C4orf51: variants seen among roughly 807,000 people sequenced by gnomAD.
C4orf51 encodes the protein chromosome 4 open reading frame 51.
Under a neutral mutation model 25.2 loss-of-function variants are expected in C4orf51, and 25 were observed. That is an observed-to-expected ratio of 0.99 (90% CI 0.72 to 1.39). C4orf51 has a LOEUF of 1.39. Among genes scored for constraint, C4orf51 ranks in the 40% most tolerant of loss-of-function variants. The pLI is 0.00. For missense variants in C4orf51, 252 were observed against 239.6 expected (o/e 1.05, Z -0.34); for synonymous variants, 100 against 84.5 (o/e 1.18, Z -1.01).
At chr4:145,777,541 A>G in the C4orf51 span, among the ~76,000 whole-genome samples, 1 of 152,176 alleles carries the variant, frequency 6.6e-6, no homozygotes, top group Non-Finnish European at 1.5e-5. Flanking sequence ...TAAATGATCT[A>G]TGTCATCTAA....
At chr4:145,787,186 C>T in the C4orf51 span, among the ~76,000 whole-genome samples, 7 of 152,104 alleles carry the variant, frequency 4.6e-5, no homozygotes, top group African/African-American at 7.2e-5. Context: ...TTTTGTCGGC[C>T]GGGCGCAGTG....
the C4orf51 span, among the ~76,000 whole-genome samples, chr4:145,785,928 T>C: frequency 6.6e-6 from 1 of 152,252 alleles, no homozygotes; most frequent in Non-Finnish European, 1.5e-5. Flanking sequence ...ATTAAAAGTA[T>C]AAGCCTAGAA....
At chr4:145,716,958 C>T (rs1164219800) in intron 2 of C4orf51, among the ~76,000 whole-genome samples, 1 of 152,176 alleles carries the variant, frequency 6.6e-6, no homozygotes, top group Non-Finnish European at 1.5e-5. Context: ...AATTGAAACA[C>T]ACTACATAGC....
Position 145,763,148 on chromosome 4 carries a change from T to C in C4orf51, n.167-7840T>C, listed in dbSNP as rs1262108705. On this transcript the variant is annotated intron_variant and non_coding_transcript_variant, in intron 1 of 1. Coordinates refer to the C4orf51 transcript ENST00000510096. This position sits in a 1 kb window ranked among gnomAD's most constrained non-coding sequence, Gnocchi z 4.6. The stretch of plus-strand genomic sequence containing the variant: ...CTACGGCAAAAGAAAAATAATAGTA[T>C]AATCTTATTTGATCTGCATTATGAA... 2.0e-6 allele frequency: 3 copies of C among 1,535,800 alleles called. No individual in the cohort carries two copies. Among genetic ancestry groups the C allele is most frequent in the South Asian group, 2.4e-5 (2 of 84,028 alleles).
At chr4:145,693,384 G>A (rs1214978441) in intron 1 of C4orf51, among the ~76,000 whole-genome samples, 1 of 151,320 alleles carries the variant, frequency 6.6e-6, no homozygotes, top group African/African-American at 2.4e-5. Context: ...CAAGGCAGAG[G>A]AATTTTTCTT....
intron 2 of C4orf51, among the ~76,000 whole-genome samples, chr4:145,724,880 C>CAAA (rs1222983724): frequency 0.089 from 6,101 of 68,170 alleles, 285 homozygotes; most frequent in African/African-American, 0.099. Flanking sequence ...AAGACTGTCT[C>CAAA]AAAAAAAAAA....
intron 1 of C4orf51, among the ~76,000 whole-genome samples, chr4:145,766,379 T>C (rs1376841197): frequency 6.6e-6 from 1 of 152,140 alleles, no homozygotes; most frequent in Non-Finnish European, 1.5e-5. Context: ...AGACAAAATA[T>C]ACCAAATGCT....
At chr4:145,792,308 CAA>C in the C4orf51 span, among the ~76,000 whole-genome samples, 1 of 149,786 alleles carries the variant, frequency 6.7e-6, no homozygotes. Flanking sequence ...CTCCTATTGA[CAA>C]AGAGTTTGAA....
At chr4:145,704,049 C>A (rs1267694383) in intron 2 of C4orf51, among the ~76,000 whole-genome samples, 2 of 152,208 alleles carry the variant, frequency 1.3e-5, no homozygotes, top group African/African-American at 4.8e-5. Context: ...GTAAAGAATG[C>A]AGACTCAGAG....
intron 1 of C4orf51, among the ~76,000 whole-genome samples, chr4:145,767,316 T>C (rs6852566): frequency 0.21 from 31,187 of 152,048 alleles, 4,291 homozygotes; most frequent in East Asian, 0.74. Flanking sequence ...CTGAAGATAA[T>C]AGCTATAGAA....
the C4orf51 span, among the ~76,000 whole-genome samples, chr4:145,776,175 G>A: frequency 4.6e-5 from 7 of 152,176 alleles, no homozygotes; most frequent in East Asian, 1.9e-4. Context: ...GAAAATCTCC[G>A]GCTGGGCACT....
At position 145,691,112 on chromosome 4, in the gene C4orf51, CA is replaced by C. The variant is rs112335038; in HGVS notation, c.234-5437del. Among the ~76,000 whole-genome samples the C allele has an allele frequency of 2.1e-3, 306 of 147,136 alleles. 1 individual carries two copies. The highest frequency in any genetic ancestry group is 6.8e-3 in the African/African-American group (271 of 40,080). On this transcript the variant is annotated intron_variant, in intron 1 of 5. Transcript: ENST00000438731. Reference sequence around the variant, plus strand: ...TGGGTGACAGAGTGAGACCTTGTCTCAAAAAAAAAATTGCACAAAGGACATG... The same window carrying C: ...TGGGTGACAGAGTGAGACCTTGTCTCAAAAAAAAATTGCACAAAGGACATG...
At chr4:145,725,222 A>G (rs1175903048) in intron 2 of C4orf51, among the ~76,000 whole-genome samples, 3 of 152,098 alleles carry the variant, frequency 2.0e-5, no homozygotes, top group Admixed American at 2.0e-4. Flanking sequence ...AAATAAATAG[A>G]AAAAAACCAT....
chr4:145,789,881 GGAGA>G, the C4orf51 span, among the ~76,000 whole-genome samples: 1 of 152,208 alleles, frequency 6.6e-6, no homozygotes, highest in Non-Finnish European at 1.5e-5. Context: ...GGGCCTGCCT[GGAGA>G]GAGAATGGTG....
intron 1 of C4orf51, among the ~76,000 whole-genome samples, chr4:145,766,546 G>A (rs778857821): frequency 6.6e-6 from 1 of 152,192 alleles, no homozygotes; most frequent in Non-Finnish European, 1.5e-5. Flanking sequence ...GACAGACTCC[G>A]AGTGGCGGAT....
chr4:145,738,747 C>G (rs1732943535), intron 1 of C4orf51, among the ~76,000 whole-genome samples: 1 of 152,016 alleles, frequency 6.6e-6, no homozygotes, highest in Admixed American at 6.6e-5. Flanking sequence ...TTAAGTGATG[C>G]TCCCACCTCA....
At chr4:145,681,162 A>C (rs978445417) in intron 1 of C4orf51, among the ~76,000 whole-genome samples, 1 of 152,196 alleles carries the variant, frequency 6.6e-6, no homozygotes, top group Non-Finnish European at 1.5e-5. Context: ...AGAAAGTATA[A>C]GTGGGGATGT....
chr4:145,742,351 T>C (rs142120146), intron 1 of C4orf51, among the ~76,000 whole-genome samples: 34 of 152,248 alleles, frequency 2.2e-4, no homozygotes, highest in African/African-American at 7.9e-4. Context: ...TCTCCTAAGG[T>C]TCTGTCATTG....
the C4orf51 span, among the ~76,000 whole-genome samples, chr4:145,785,737 C>T: frequency 6.6e-6 from 1 of 152,200 alleles, no homozygotes; most frequent in Non-Finnish European, 1.5e-5. Flanking sequence ...AGAGCAGAGA[C>T]AGACCCACGG....
Sources: gnomAD v4.1 joint callset for allele counts (sites outside exome capture counted in the v4.1 genomes callset) on GRCh38, gnomAD v4.1.1 for gene constraint, Gnocchi (gnomAD v3.1) non-coding constraint, MANE v1.5 for transcripts, NCBI Gene and HGNC (gene_info 2026-07-23, HGNC 2026-07-21) for gene names.